Variants in SSBP2 observed in about 807,000 individuals in gnomAD.
The protein encoded by SSBP2 is single-stranded DNA-binding protein 2.
A neutral mutation model predicts 61.8 loss-of-function variants in SSBP2; 17 were observed. That is an observed-to-expected ratio of 0.28 (90% CI 0.19 to 0.41). The LOEUF (loss-of-function observed/expected upper bound fraction) is 0.41. Ranked by LOEUF, SSBP2 falls within the 10% of genes least tolerant of loss-of-function variation. The pLI, the probability that SSBP2 is intolerant of heterozygous loss-of-function variation, is 1.00. For synonymous variants in SSBP2, 139 were observed against 141.3 expected (o/e 0.98, Z 0.12); for missense variants, 310 against 458.7 (o/e 0.68, Z 2.96).
intron 1 of SSBP2, among the ~76,000 whole-genome samples, chr5:81,669,393 T>C (rs1205295884): frequency 6.6e-6 from 1 of 152,186 alleles, no homozygotes; most frequent in African/African-American, 2.4e-5. Flanking sequence ...GCAACTTTAT[T>C]CATAATTGGC....
chr5:81,736,113 C>A (rs1349635707), intron 1 of SSBP2, among the ~76,000 whole-genome samples: 1 of 151,032 alleles, frequency 6.6e-6, no homozygotes, highest in African/African-American at 2.4e-5. Flanking sequence ...TAGCCTCTAC[C>A]ACTTTTCCAA....
intron 4 of SSBP2, among the ~76,000 whole-genome samples, chr5:81,548,390 T>C (rs973481271): frequency 2.0e-5 from 3 of 152,190 alleles, no homozygotes; most frequent in Admixed American, 6.5e-5. Flanking sequence ...CTCTGAACTT[T>C]CTACTCAATT....
chr5:81,730,107 A>T (rs1386428259), intron 1 of SSBP2, among the ~76,000 whole-genome samples: 1 of 152,198 alleles, frequency 6.6e-6, no homozygotes, highest in Non-Finnish European at 1.5e-5. Context: ...TTTCTTTTTT[A>T]ATTAAATGAG....
intron 4 of SSBP2, among the ~76,000 whole-genome samples, chr5:81,598,316 T>C (rs941194106): frequency 2.6e-5 from 4 of 152,140 alleles, no homozygotes; most frequent in Admixed American, 2.6e-4. Flanking sequence ...AATGGAGTGA[T>C]ACCTTTGAAG....
intron 1 of SSBP2, among the ~76,000 whole-genome samples, chr5:81,672,885 T>C (rs1751688188): frequency 6.6e-6 from 1 of 151,904 alleles, no homozygotes; most frequent in African/African-American, 2.4e-5. Flanking sequence ...CTTTTTTTTT[T>C]TTTTAAACAG....
chr5:81,518,605 T>A (rs1297621823), intron 4 of SSBP2, among the ~76,000 whole-genome samples: 1 of 152,124 alleles, frequency 6.6e-6, no homozygotes, highest in Non-Finnish European at 1.5e-5. Context: ...TCTCGGATAT[T>A]CTGTTATAGC....
At chr5:81,659,214 G>A (rs1245582274) in intron 1 of SSBP2, among the ~76,000 whole-genome samples, 3 of 152,140 alleles carry the variant, frequency 2.0e-5, no homozygotes, top group African/African-American at 7.2e-5. Flanking sequence ...TAGGAAGAGA[G>A]GAAGTCAAAT....
chr5:81,726,144 T>C (rs1226667735), intron 1 of SSBP2, among the ~76,000 whole-genome samples: 1 of 152,152 alleles, frequency 6.6e-6, no homozygotes, highest in African/African-American at 2.4e-5. Flanking sequence ...CTATTTTAAA[T>C]AAAACAAGAG....
chr5:81,650,346 A>G lies in SSBP2; in HGVS notation c.63-7T>C. The G allele has an allele frequency of 1.3e-6, 2 of 1,531,290 alleles. No individual in the cohort carries two copies. Among genetic ancestry groups the G allele is most frequent in the Non-Finnish European group, 1.8e-6 (2 of 1,135,916 alleles). The allele number at this position is 1,531,290 out of a possible 1,614,324, so 94.9% of individuals were successfully genotyped here. ...ATATACGTAGAGTGCTAACCTGGAA[A>G]ACAAATAAAATATTTATTGAGAAGA... On this transcript the variant is annotated splice_polypyrimidine_tract_variant and splice_region_variant and intron_variant, in intron 1 of 16. Transcript: ENST00000320672.
intron 1 of SSBP2, among the ~76,000 whole-genome samples, chr5:81,747,912 CA>C (rs1239598520): frequency 1.3e-5 from 2 of 152,166 alleles, no homozygotes; most frequent in Admixed American, 6.5e-5. Flanking sequence ...CAAGGGTTTT[CA>C]ATCACTCCCT....
chr5:81,574,034 G>A (rs1042044636), intron 4 of SSBP2, among the ~76,000 whole-genome samples: 5 of 152,012 alleles, frequency 3.3e-5, no homozygotes, highest in African/African-American at 9.7e-5. Context: ...CCAGCTACTC[G>A]GGAGGCTGAG....
At chr5:81,627,989 C>T (rs570938570) in intron 3 of SSBP2, among the ~76,000 whole-genome samples, 27 of 151,854 alleles carry the variant, frequency 1.8e-4, no homozygotes, top group Middle Eastern at 6.8e-3. Flanking sequence ...CACTTAAGCC[C>T]GGGAGATGGA....
chr5:81,659,055 T>C (rs1321162441), intron 1 of SSBP2, among the ~76,000 whole-genome samples: 1 of 152,124 alleles, frequency 6.6e-6, no homozygotes, highest in East Asian at 1.9e-4. Context: ...CCATAGCCAA[T>C]ATCATACTGA....
intron 4 of SSBP2, among the ~76,000 whole-genome samples, chr5:81,610,449 A>G (rs1010800972): frequency 1.3e-5 from 2 of 152,206 alleles, no homozygotes. Context: ...CACCTTGAAA[A>G]TATCTGTACC....
In SSBP2 at chr5:81,730,913, T is replaced by C. The variant is rs773563168; in HGVS notation, c.62+20068A>G. The stretch of plus-strand genomic sequence containing the variant: ...TAATAAGCAAATGAAAAGAAAATAA[T>C]TTCTAATATATTTTTATTGTGCACA... On this transcript the variant is annotated intron_variant, in intron 1 of 16. Transcript: ENST00000320672. Among the ~76,000 whole-genome samples, 3 of 150,278 alleles carry C rather than the reference T, an allele frequency of 2.0e-5. No homozygotes were observed. In the Admixed American group the frequency reaches 2.0e-4, roughly 10 times the overall value.
At chr5:81,484,871 T>C (rs1462434876) in intron 6 of SSBP2, among the ~76,000 whole-genome samples, 1 of 152,144 alleles carries the variant, frequency 6.6e-6, no homozygotes, top group African/African-American at 2.4e-5. Flanking sequence ...GAGTACAAAA[T>C]GGGCAACAGA....
intron 1 of SSBP2, among the ~76,000 whole-genome samples, chr5:81,725,577 C>T (rs1214877165): frequency 6.6e-6 from 1 of 152,114 alleles, no homozygotes; most frequent in African/African-American, 2.4e-5. Context: ...TCAAAGTTGT[C>T]TGTGGTAGCA....
At chr5:81,534,764 AAGAG>A (rs1770687378) in intron 4 of SSBP2, among the ~76,000 whole-genome samples, 1 of 152,078 alleles carries the variant, frequency 6.6e-6, no homozygotes, top group South Asian at 2.1e-4. Context: ...AACAAGAATA[AAGAG>A]AGAAAGAAAC....
At chr5:81,495,674 G>C (rs1191843497) in intron 5 of SSBP2, among the ~76,000 whole-genome samples, 2 of 152,098 alleles carry the variant, frequency 1.3e-5, no homozygotes, top group African/African-American at 4.8e-5. Flanking sequence ...TTAATGTCAA[G>C]ATAATTAATT....
Sources: gnomAD v4.1 joint callset for allele counts (sites outside exome capture counted in the v4.1 genomes callset) on GRCh38, gnomAD v4.1.1 for gene constraint, MANE v1.5 for transcripts, NCBI Gene and HGNC (gene_info 2026-07-23, HGNC 2026-07-21) for gene names.